KIF3A: variants seen among roughly 807,000 people sequenced by gnomAD.
The protein encoded by KIF3A is kinesin family member 3A.
Under a neutral mutation model 92.6 loss-of-function variants are expected in KIF3A, and 27 were observed. The observed-to-expected ratio is 0.29, with a 90% CI of 0.21 to 0.40. The LOEUF is 0.40. KIF3A is among the 10% of genes least tolerant of loss of function. The pLI is 1.00. For missense variants in KIF3A, 581 were observed against 872.6 expected (o/e 0.67, Z 4.21); for synonymous variants, 250 against 275.4 (o/e 0.91, Z 0.92).
At chr5:132,735,483 ATTCTC>A (rs2149925560) in intron 1 of KIF3A, among the ~76,000 whole-genome samples, 1 of 152,334 alleles carries the variant, frequency 6.6e-6, no homozygotes, top group South Asian at 2.1e-4. Context: ...ACTGTTTCAG[ATTCTC>A]TTCTAAGCAT....
downstream of KIF3A, among the ~76,000 whole-genome samples, chr5:132,691,478 C>T (rs1365105833): frequency 2.7e-5 from 4 of 150,288 alleles, no homozygotes; most frequent in Admixed American, 6.6e-5. Context: ...ACTTGGGGGG[C>T]GGAGATTGCA....
intron 4 of KIF3A, among the ~76,000 whole-genome samples, chr5:132,724,605 GA>G (rs1274984791): frequency 6.6e-6 from 1 of 151,372 alleles, no homozygotes; most frequent in Non-Finnish European, 1.5e-5. Context: ...AGAACACTTG[GA>G]CACAGGAAGG....
rs749814087 is a variant in KIF3A, at chr5:132,737,447, G to A, written c.-28C>T. 2 of 1,600,294 alleles carry A rather than the reference G, an allele frequency of 1.2e-6. No individual in the cohort carries two copies. The highest frequency in any genetic ancestry group is 2.3e-5 in the East Asian group (1 of 42,916). ...TGGCCCCCTCCCGTGCCCGGCGGAC[G>A]TCCCCGCCCGGGGTGCAGCCCAGCG... On this transcript the variant is annotated 5_prime_UTR_variant, in exon 1 of 19. It adds an upstream start codon to the 5' untranslated region. Coordinates refer to ENST00000403231, the MANE Select transcript of KIF3A (RefSeq NM_001300791.2).
chr5:132,724,836 TA>T (rs1753979090), intron 4 of KIF3A, among the ~76,000 whole-genome samples: 1 of 23,748 alleles, frequency 4.2e-5, no homozygotes, highest in African/African-American at 8.7e-5. Context: ...TATATATATA[TA>T]TATATATATA....
chr5:132,706,889 G>GTGACAAAA (rs1753230751), intron 10 of KIF3A, among the ~76,000 whole-genome samples: 1 of 152,138 alleles, frequency 6.6e-6, no homozygotes, highest in East Asian at 1.9e-4. Flanking sequence ...TACATTTAAA[G>GTGACAAAA]TGACAAAATT....
At chr5:132,703,274 GAAATA>G (rs1486503245) in intron 12 of KIF3A, among the ~76,000 whole-genome samples, 184 bp downstream of exon 12, 2 of 151,824 alleles carry the variant, frequency 1.3e-5, no homozygotes, top group African/African-American at 2.4e-5. Context: ...CTATCACACG[GAAATA>G]AAATAACCAA....
chr5:132,718,698 C>G (rs1753724323), intron 5 of KIF3A, among the ~76,000 whole-genome samples: 1 of 152,138 alleles, frequency 6.6e-6, no homozygotes, highest in African/African-American at 2.4e-5. Flanking sequence ...GCTATCTTGG[C>G]TCACTGCAAC....
intron 18 of KIF3A, among the ~76,000 whole-genome samples, chr5:132,697,242 TCCATGTTTATGGCTA>T (rs2149890600): frequency 6.6e-6 from 1 of 152,308 alleles, no homozygotes; most frequent in South Asian, 2.1e-4. Context: ...CATGTATTTG[TCCATGTTTATGGCTA>T]CCATTTTCTT....
rs573935471 is a variant in KIF3A at position 132,728,877 on chromosome 5, G to GCTAGGCAACAC, written c.281-2390_281-2380dup. Among the ~76,000 whole-genome samples the GCTAGGCAACAC allele has an allele frequency of 1.7e-3, 255 of 152,236 alleles. 2 individuals carry two copies. Among genetic ancestry groups the GCTAGGCAACAC allele is most frequent in the African/African-American group, 6.1e-3 (252 of 41,530 alleles). ...ACCTGAGCCCAGGAGTTCAAGACCAGCTAGGCAACACCTAGGCAACACAGT... is the reference window on the plus strand; with the variant it reads ...ACCTGAGCCCAGGAGTTCAAGACCAGCTAGGCAACACCTAGGCAACACCTAGGCAACACAGT... On this transcript the variant is annotated intron_variant, in intron 2 of 18. Transcript: ENST00000403231.
intron 4 of KIF3A, among the ~76,000 whole-genome samples, chr5:132,723,911 G>A (rs1362525953): frequency 6.6e-6 from 1 of 152,086 alleles, no homozygotes; most frequent in Non-Finnish European, 1.5e-5. Flanking sequence ...CTGACAAAAG[G>A]CTAATATCCA....
At chr5:132,714,629 T>C (rs910106739) in intron 8 of KIF3A, among the ~76,000 whole-genome samples, 4 of 152,062 alleles carry the variant, frequency 2.6e-5, no homozygotes, top group African/African-American at 7.2e-5. Context: ...GAGAAAAGAA[T>C]AGGAAGTTAC....
intron 4 of KIF3A, among the ~76,000 whole-genome samples, chr5:132,724,202 G>A (rs180741044): frequency 1.3e-5 from 2 of 152,182 alleles, no homozygotes; most frequent in Non-Finnish European, 2.9e-5. Flanking sequence ...ATTGGTGGGA[G>A]TGTAAACTAG....
Position 132,692,776 on chromosome 5 carries a change from A to G in KIF3A, c.*3858T>C, listed in dbSNP as rs1158110291. ...CTGATGCAACAAACTGTAATTTGTAATTTTGGCCAGCATACAGTATTATAG... is the reference window on the plus strand; with the variant it reads ...CTGATGCAACAAACTGTAATTTGTAGTTTTGGCCAGCATACAGTATTATAG... On this transcript the variant is annotated 3_prime_UTR_variant, in exon 19 of 19. Coordinates refer to ENST00000403231, the MANE Select transcript of KIF3A (RefSeq NM_001300791.2). The G allele has an allele frequency of 6.5e-6, 1 of 152,732 alleles. No homozygotes were observed. The allele number at this position is 152,732 out of a possible 1,614,324, so 9.5% of individuals were successfully genotyped here. A position where few individuals can be genotyped will look rare whatever the true frequency, so the allele number is the denominator to read the frequency against.
At chr5:132,712,495 T>C (rs1177692417) in intron 8 of KIF3A, among the ~76,000 whole-genome samples, 5 of 152,164 alleles carry the variant, frequency 3.3e-5, no homozygotes, top group Non-Finnish European at 7.4e-5. Context: ...TTCCATACAA[T>C]AGAATCCTAA....
At chr5:132,736,680 G>A (rs1754399160) in intron 1 of KIF3A, 1 of 396,798 alleles carries the variant, frequency 2.5e-6, no homozygotes, top group Admixed American at 3.6e-5. Context: ...TATTTCACGC[G>A]GATAACAACC....
At chr5:132,692,041 G>A (rs1485025229), downstream of KIF3A, among the ~76,000 whole-genome samples, 1 of 151,948 alleles carries the variant, frequency 6.6e-6, no homozygotes, top group African/African-American at 2.4e-5. Flanking sequence ...ATGACAGATT[G>A]GATGAAGAAA....
intron 15 of KIF3A, among the ~76,000 whole-genome samples, chr5:132,701,239 T>C (rs1458752190): frequency 6.6e-6 from 1 of 152,094 alleles, no homozygotes; most frequent in East Asian, 1.9e-4. Flanking sequence ...GGTTAACACC[T>C]GTAATCCCAT....
At chr5:132,709,923 T>C (rs2149900889) in intron 9 of KIF3A, among the ~76,000 whole-genome samples, 2 of 152,342 alleles carry the variant, frequency 1.3e-5, no homozygotes, top group African/African-American at 4.8e-5. Context: ...TTATAGTTTT[T>C]AAATTTGGGA....
At chr5:132,722,738 C>A (rs1051537520) in intron 4 of KIF3A, among the ~76,000 whole-genome samples, 2 of 152,176 alleles carry the variant, frequency 1.3e-5, no homozygotes, top group Non-Finnish European at 2.9e-5. Context: ...TGCTTTATTT[C>A]GCTCCAAACT....
Sources: allele counts gnomAD v4.1 joint callset (sites outside exome capture counted in the v4.1 genomes callset), GRCh38; gene constraint gnomAD v4.1.1; transcripts MANE v1.5; gene names NCBI Gene and HGNC (gene_info 2026-07-23, HGNC 2026-07-21).